Variants in SASH1 observed in about 807,000 individuals in gnomAD.
SASH1 encodes the protein SAM and SH3 domain-containing protein 1.
Under a neutral mutation model 125.2 loss-of-function variants are expected in SASH1, and 44 were observed. The observed-to-expected ratio is 0.35, with a 90% CI of 0.28 to 0.45. The LOEUF (loss-of-function observed/expected upper bound fraction) is 0.45. Ranked by LOEUF, SASH1 falls within the 20% of genes least tolerant of loss-of-function variation. The probability of loss-of-function intolerance (pLI) is 1.00; values close to 1 mark genes in which losing one functional copy is unlikely to be tolerated. For synonymous variants in SASH1, 639 were observed against 649.1 expected, an observed-to-expected ratio of 0.98 and a Z score of 0.24; for missense variants, 1,426 against 1,614.5, an observed-to-expected ratio of 0.88 and a Z score of 2.00.
chr6:148,253,131 T>C, the SASH1 span, among the ~76,000 whole-genome samples: 2 of 152,062 alleles, frequency 1.3e-5, no homozygotes, highest in African/African-American at 4.8e-5. Context: ...GCCAAAACAG[T>C]CCTAAAAAAG....
At chr6:148,247,416 C>G in the SASH1 span, among the ~76,000 whole-genome samples, 1 of 152,154 alleles carries the variant, frequency 6.6e-6, no homozygotes, top group African/African-American at 2.4e-5. Context: ...ACCTCCATCT[C>G]CTAAAATGGG....
chr6:148,302,151 T>A, intron 1 of SASH1, among the ~76,000 whole-genome samples: 1 of 149,846 alleles, frequency 6.7e-6, no homozygotes, highest in Non-Finnish European at 1.5e-5. Flanking sequence ...CCGTCTCTAC[T>A]AAAAATACAA....
chr6:148,361,255 T>C (rs531780538), intron 1 of SASH1, among the ~76,000 whole-genome samples: 1 of 152,216 alleles, frequency 6.6e-6, no homozygotes, highest in South Asian at 2.1e-4. Context: ...ATGGCTGCTC[T>C]ATTACCACAG....
chr6:148,436,538 CAAAA>C, intron 2 of SASH1, among the ~76,000 whole-genome samples: 1 of 150,282 alleles, frequency 6.7e-6, no homozygotes, highest in Non-Finnish European at 1.5e-5. Flanking sequence ...TTAAAAAAAA[CAAAA>C]AACCAAAGGG....
chr6:148,493,593 C>G (rs978844875), intron 8 of SASH1, among the ~76,000 whole-genome samples: 1 of 152,196 alleles, frequency 6.6e-6, no homozygotes, highest in Non-Finnish European at 1.5e-5. Context: ...TATATTGATG[C>G]CTGTCATGCC....
intron 1 of SASH1, among the ~76,000 whole-genome samples, chr6:148,287,831 C>T (rs948669653): frequency 6.6e-6 from 1 of 152,172 alleles, no homozygotes; most frequent in Non-Finnish European, 1.5e-5. Context: ...GGCATCCTCC[C>T]AGACATCTCC....
In SASH1 at chr6:148,293,055, C is replaced by CA. The variant is rs1323198934; in HGVS notation, n.74+20690dup. ...TGGGCAACAGAGTGATACTCCATCTCAAAAAAAAAAAAGGTCTATGTGAAT... is the reference window on the plus strand; with the variant it reads ...TGGGCAACAGAGTGATACTCCATCTCAAAAAAAAAAAAAGGTCTATGTGAAT... On this transcript the variant is annotated intron_variant and non_coding_transcript_variant, in intron 1 of 3. Transcript: ENST00000367469. Among the ~76,000 whole-genome samples the CA allele has an allele frequency of 1.1e-3, 152 of 134,630 alleles. 1 individual carries two copies. Among genetic ancestry groups the CA allele is most frequent in the African/African-American group, 1.9e-3 (68 of 36,574 alleles). The allele number at this position is 134,630 out of a possible 152,430, so 88.3% of individuals were successfully genotyped here. A position where few individuals can be genotyped will look rare whatever the true frequency, so the allele number is the denominator to read the frequency against.
rs1362654425 is a variant in SASH1, at chr6:148,543,819, G to A, written c.2349G>A (p.Glu783=). Residue 783 remains glutamate, a synonymous_variant, in exon 18 of 20, where the codon GAG becomes GAA. Transcript: ENST00000367467. ...KSGDALKQGQ[E]EGRLGGGLAP... ...GGGATGCACTGAAGCAGGGACAGGA[G>A]GAGGGCAGGCTGGGTGGTGGCCTTG... 1.9e-6 allele frequency: 3 copies of A among 1,614,144 alleles called. No homozygotes were observed. The highest frequency in any genetic ancestry group is 8.5e-7 in the Non-Finnish European group (1 of 1,179,992).
chr6:148,199,382 A>C, the SASH1 span, among the ~76,000 whole-genome samples: 1 of 151,932 alleles, frequency 6.6e-6, no homozygotes, highest in East Asian at 1.9e-4. Context: ...CAAGAAAAAA[A>C]AAAAAAAAAC....
the SASH1 span, among the ~76,000 whole-genome samples, chr6:148,196,723 C>T: frequency 6.6e-6 from 1 of 152,148 alleles, no homozygotes; most frequent in African/African-American, 2.4e-5. Context: ...AGACAAACAT[C>T]CATGAAACAA....
chr6:148,500,864 G>C (rs189805922), intron 8 of SASH1, among the ~76,000 whole-genome samples: 5 of 152,008 alleles, frequency 3.3e-5, no homozygotes, highest in Non-Finnish European at 5.9e-5. Context: ...ATATTCTGTG[G>C]TTCAGTGTTC....
At chr6:148,507,999 T>C (rs1562466848) in intron 8 of SASH1, among the ~76,000 whole-genome samples, 2 of 152,242 alleles carry the variant, frequency 1.3e-5, no homozygotes, top group Non-Finnish European at 2.9e-5. Context: ...AGCATGTGCC[T>C]AGTGGCTCCC....
rs111729732 is a variant in SASH1 at position 148,408,645 on chromosome 6, G to A, written c.285+18383G>A. 5.3e-3 allele frequency among the ~76,000 whole-genome samples: 803 copies of A among 152,188 alleles called. 10 individuals carry two copies. The highest frequency in any genetic ancestry group is 0.017 in the African/African-American group (726 of 41,538). ...TGGGTTGCCTTTCACTCTTGATCGTGTCCTTTGATGCACAAACGTTTTCAT... is the reference window on the plus strand; with the variant it reads ...TGGGTTGCCTTTCACTCTTGATCGTATCCTTTGATGCACAAACGTTTTCAT... On this transcript the variant is annotated intron_variant, in intron 2 of 19. Transcript: ENST00000367467.
intron 1 of SASH1, among the ~76,000 whole-genome samples, chr6:148,368,431 C>T (rs1296529240): frequency 6.6e-6 from 1 of 152,154 alleles, no homozygotes; most frequent in Non-Finnish European, 1.5e-5. Context: ...CCACCACACT[C>T]AGCTAATTTT....
the SASH1 span, among the ~76,000 whole-genome samples, chr6:148,216,293 T>C: frequency 3.9e-5 from 6 of 152,234 alleles, no homozygotes; most frequent in Admixed American, 3.9e-4. Flanking sequence ...TTCTGTTCTT[T>C]TTCCTACTAC....
intron 4 of SASH1, among the ~76,000 whole-genome samples, chr6:148,442,843 G>A (rs1776602598): frequency 6.6e-6 from 1 of 151,420 alleles, no homozygotes; most frequent in African/African-American, 2.4e-5. Flanking sequence ...GCGTCATCTC[G>A]GCTCACTGCA....
chr6:148,360,347 GTTT>G (rs1191557477), intron 1 of SASH1, among the ~76,000 whole-genome samples: 1 of 125,718 alleles, frequency 8.0e-6, no homozygotes, highest in Admixed American at 8.1e-5. Flanking sequence ...TAATGCCTTT[GTTT>G]TTTTTTTTTT....
At chr6:148,504,827 T>C (rs1779711473) in intron 8 of SASH1, among the ~76,000 whole-genome samples, 1 of 152,088 alleles carries the variant, frequency 6.6e-6, no homozygotes, top group African/African-American at 2.4e-5. Context: ...ACATCGAGTA[T>C]CTTGATAAAT....
chr6:148,456,318 A>AC lies in SASH1; in HGVS notation c.387-12223dup, dbSNP rs111693822. Among the ~76,000 whole-genome samples, 776 of 152,116 alleles carry AC rather than the reference A, an allele frequency of 5.1e-3. 7 individuals carry two copies. Among genetic ancestry groups the AC allele is most frequent in the African/African-American group, 0.018 (735 of 41,488 alleles). ...CTGCCCGTCTCTATAGGGATCAGTGACCCCATCTCCATACCGCCCGAGCGT... is the reference window on the plus strand; with the variant it reads ...CTGCCCGTCTCTATAGGGATCAGTGACCCCCATCTCCATACCGCCCGAGCGT... On this transcript the variant is annotated intron_variant, in intron 4 of 19. Transcript: ENST00000367467.
Sources: gnomAD v4.1 joint callset for allele counts (sites outside exome capture counted in the v4.1 genomes callset) on GRCh38, gnomAD v4.1.1 for gene constraint, MANE v1.5 for transcripts, NCBI Gene and HGNC (gene_info 2026-07-23, HGNC 2026-07-21) for gene names.